The following TNNI3K variants were observed in gnomAD, a reference collection of about 807,000 sequenced individuals.
TNNI3K encodes serine/threonine-protein kinase TNNI3K.
A neutral mutation model predicts 114.5 loss-of-function variants in TNNI3K; 140 were observed. The observed-to-expected ratio is 1.22, with a 90% CI of 1.07 to 1.41. TNNI3K has a LOEUF of 1.41. Among genes scored for constraint, TNNI3K ranks in the 40% most tolerant of loss-of-function variants. The pLI is 0.00. For missense variants in TNNI3K, 1,125 were observed against 1,007.6 expected (o/e 1.12, Z -1.58); for synonymous variants, 347 against 347.5 (o/e 1.00, Z 0.02).
chr1:74,268,111 T>G (rs1022636922), intron 4 of TNNI3K, among the ~76,000 whole-genome samples: 10 of 151,940 alleles, frequency 6.6e-5, no homozygotes, highest in African/African-American at 2.4e-4. Context: ...ATTTGTCAGT[T>G]TTATATGTTG....
chr1:74,480,280 CTG>C, intron 21 of TNNI3K: 2 of 717,536 alleles, frequency 2.8e-6, no homozygotes, highest in Non-Finnish European at 5.2e-6. Flanking sequence ...TCAGCACACT[CTG>C]TGCAGCTGCC....
At chr1:74,271,353 T>G (rs377122449) in intron 4 of TNNI3K, among the ~76,000 whole-genome samples, 1 of 151,886 alleles carries the variant, frequency 6.6e-6, no homozygotes, top group East Asian at 1.9e-4. Context: ...GTAATGTCCT[T>G]TCTGTCTTTC....
intron 21 of TNNI3K, among the ~76,000 whole-genome samples, chr1:74,465,315 T>A (rs1667622767): frequency 6.6e-6 from 1 of 152,148 alleles, no homozygotes; most frequent in African/African-American, 2.4e-5. Flanking sequence ...GGCGCTCGGG[T>A]GCCAGCATGA....
intron 9 of TNNI3K, among the ~76,000 whole-genome samples, chr1:74,349,715 G>C (rs1207656550): frequency 6.6e-6 from 1 of 152,034 alleles, no homozygotes; most frequent in Non-Finnish European, 1.5e-5. Flanking sequence ...TGTATGTGTC[G>C]AGGAATTTAT....
Position 74,369,546 on chromosome 1 carries a change from CA to C in TNNI3K, c.1629del (p.Gly545ValfsTer20). The C allele has an allele frequency of 6.2e-7, 1 of 1,611,804 alleles. No individual in the cohort carries two copies. The highest frequency in any genetic ancestry group is 8.5e-7 in the Non-Finnish European group (1 of 1,178,750). On this transcript the variant is annotated frameshift_variant, in exon 16 of 25. Transcript: ENST00000326637. LOFTEE classifies it high-confidence loss of function. ...TTTGCCATTGTCACTCAATACATAT[CA>C]GGGGGTTCTCTGTTCTCCCTCCTTC... ...SQFAIVTQYISGGSLFSLLHE... is the reference protein window; with the variant it reads ...SQFAIVTQYIXGGSLFSLLHE...
rs546878965 is a variant in TNNI3K, at chr1:74,484,474, T to C, written c.2122-4715T>C. On this transcript the variant is annotated intron_variant, in intron 21 of 24. Transcript: ENST00000326637. ...ATAAACAAATAATATAAAATATGTA[T>C]TAAGTCATATGGTGATAAATGCTCT... is the stretch of plus-strand genomic sequence containing the variant. Among the ~76,000 whole-genome samples the C allele has an allele frequency of 1.8e-3, 277 of 152,286 alleles. 2 individuals carry two copies. The highest frequency in any genetic ancestry group is 0.01 in the Middle Eastern group (3 of 294).
chr1:74,330,047 G>T (rs1410774233), intron 5 of TNNI3K, among the ~76,000 whole-genome samples: 3 of 152,166 alleles, frequency 2.0e-5, no homozygotes, highest in Admixed American at 2.0e-4. Flanking sequence ...CAATGAAAAT[G>T]AACACATTTG....
chr1:74,542,868 C>G (rs1395797654), intron 24 of TNNI3K, among the ~76,000 whole-genome samples: 1 of 152,046 alleles, frequency 6.6e-6, no homozygotes, highest in African/African-American at 2.4e-5. Flanking sequence ...GGACAGTGGC[C>G]TGATCCTGAG....
intron 4 of TNNI3K, among the ~76,000 whole-genome samples, chr1:74,254,416 C>G (rs370494883): frequency 6.6e-6 from 1 of 152,194 alleles, no homozygotes; most frequent in East Asian, 1.9e-4. Context: ...AATCCACAAT[C>G]ATGCATTTTC....
chr1:74,315,934 G>A (rs570376221), intron 5 of TNNI3K, among the ~76,000 whole-genome samples: 2 of 152,224 alleles, frequency 1.3e-5, no homozygotes, highest in South Asian at 4.2e-4. Context: ...AAGGATATAG[G>A]ATAATTGTAG....
chr1:74,279,730 C>G (rs12030492), intron 5 of TNNI3K, among the ~76,000 whole-genome samples: 89,537 of 152,044 alleles, frequency 0.59, 30,028 homozygotes, highest in East Asian at 0.82. Context: ...AGCCCAGGAT[C>G]ATAATCACTC....
chr1:74,395,154 C>G (rs1664013812), intron 17 of TNNI3K, among the ~76,000 whole-genome samples: 1 of 152,102 alleles, frequency 6.6e-6, no homozygotes, highest in Non-Finnish European at 1.5e-5. Flanking sequence ...CCAGGGACTA[C>G]TACAAGCAAT....
chr1:74,338,565 G>C (rs1660596509), intron 7 of TNNI3K, among the ~76,000 whole-genome samples: 1 of 151,642 alleles, frequency 6.6e-6, no homozygotes, highest in African/African-American at 2.4e-5. Context: ...TTTGCAGCGG[G>C]AACAATACAC....
intron 23 of TNNI3K, among the ~76,000 whole-genome samples, chr1:74,509,657 G>A (rs1670076638): frequency 6.8e-6 from 1 of 146,278 alleles, no homozygotes; most frequent in Non-Finnish European, 1.5e-5. Flanking sequence ...TGTTGTTTTT[G>A]TCATGTCATA....
chr1:74,482,509 C>G (rs1179011853), intron 21 of TNNI3K, among the ~76,000 whole-genome samples: 5 of 152,204 alleles, frequency 3.3e-5, no homozygotes, highest in African/African-American at 7.2e-5. Flanking sequence ...ATGAAAACCT[C>G]TCTGTCCTGT....
At chr1:74,470,216 T>C (rs1386114855) in intron 21 of TNNI3K, 1 of 400,602 alleles carries the variant, frequency 2.5e-6, no homozygotes, top group Non-Finnish European at 4.4e-6. Flanking sequence ...TTAGCTGTAA[T>C]GGTCTCCTCG....
At position 74,365,354 on chromosome 1, in the gene TNNI3K, A is replaced by G. The variant is rs553599782; in HGVS notation, c.1178-1902A>G. On this transcript the variant is annotated intron_variant, in intron 11 of 24. Transcript: ENST00000326637. ...ACCTGTAAAGCTCTACATCAGTCGC[A>G]GTCAAAGTGCAGATTGCTGATGAGC... 2.0e-5 allele frequency among the ~76,000 whole-genome samples: 3 copies of G among 152,224 alleles called. No homozygotes were observed. In the East Asian group the frequency reaches 5.8e-4, roughly 30 times the overall value.
At chr1:74,371,902 A>G (rs1379852010) in intron 17 of TNNI3K, 2 of 151,720 alleles carry the variant, frequency 1.3e-5, no homozygotes, top group Admixed American at 6.6e-5. Context: ...GCAGTAATCT[A>G]GATAAGAAGT....
At chr1:74,252,368 C>G (rs1202524870) in intron 4 of TNNI3K, among the ~76,000 whole-genome samples, 2 of 151,882 alleles carry the variant, frequency 1.3e-5, no homozygotes, top group African/African-American at 4.8e-5. Flanking sequence ...ACAAAGCAGG[C>G]AAAAATATTA....
Sources: allele counts gnomAD v4.1 joint callset (sites outside exome capture counted in the v4.1 genomes callset), GRCh38; gene constraint gnomAD v4.1.1; transcripts MANE v1.5; gene names NCBI Gene and HGNC (gene_info 2026-07-23, HGNC 2026-07-21).